Variants in CEP152 observed in about 807,000 individuals in gnomAD.
CEP152 encodes centrosomal protein 152, also known as centrosomal protein of 152 kDa.
Under a neutral mutation model 188.9 loss-of-function variants are expected in CEP152, and 132 were observed. The ratio of observed to expected loss-of-function variants is 0.70; its 90% confidence interval spans 0.61 to 0.81. The LOEUF is 0.81. Ranked by LOEUF, CEP152 falls within the 30% of genes least tolerant of loss-of-function variation. The pLI is 0.00. For synonymous variants in CEP152, 649 were observed against 666.6 expected (o/e 0.97, Z 0.41); for missense variants, 1,914 against 1,969.8 (o/e 0.97, Z 0.54).
chr15:48,771,427 A>T (rs1287017286), intron 13 of CEP152, among the ~76,000 whole-genome samples: 1 of 152,232 alleles, frequency 6.6e-6, no homozygotes, highest in East Asian at 1.9e-4. Flanking sequence ...TAATGTCCTC[A>T]TATAGAATGA....
intron 13 of CEP152, among the ~76,000 whole-genome samples, chr15:48,770,732 C>T (rs944820028): frequency 8.5e-5 from 13 of 152,082 alleles, no homozygotes; most frequent in Admixed American, 5.9e-4. Context: ...GTGCAGGGGG[C>T]AGGGCGGGGA....
At chr15:48,730,197 AG>A (rs998574613) in intron 2 of CEP152, among the ~76,000 whole-genome samples, 112 of 152,294 alleles carry the variant, frequency 7.4e-4, no homozygotes. Context: ...CTAACAGTGT[AG>A]GAATGACAGT....
At position 48,805,670 on chromosome 15, in the gene CEP152, A is replaced by G. The variant is rs1284411015; in HGVS notation, c.-7-14T>C. On this transcript the variant is annotated splice_polypyrimidine_tract_variant and intron_variant, in intron 1 of 26. Transcript: ENST00000380950. ...GACATGGTCCTCCTGTGGGAAGGGAAAGATGTTTGGTTTCTGGACACCACA... is the reference window on the plus strand; with the variant it reads ...GACATGGTCCTCCTGTGGGAAGGGAGAGATGTTTGGTTTCTGGACACCACA... 1.2e-6 allele frequency: 2 copies of G among 1,613,346 alleles called. No homozygotes were observed. The highest frequency in any genetic ancestry group is 1.3e-5 in the African/African-American group (1 of 74,904).
At chr15:48,788,480 C>T (rs543673804) in intron 9 of CEP152, among the ~76,000 whole-genome samples, 21 of 151,660 alleles carry the variant, frequency 1.4e-4, no homozygotes, top group East Asian at 1.4e-3. Context: ...ATTACAGGCA[C>T]GCACCACTGC....
At chr15:48,744,481 A>G (rs1893261087) in intron 23 of CEP152, 138 bp from the exon 24 acceptor site, 2 of 1,421,440 alleles carry the variant, frequency 1.4e-6, no homozygotes, top group Non-Finnish European at 1.9e-6. Context: ...TCTCCACTAT[A>G]CAGTTATTTA....
chr15:48,797,895 A>AAAAAG, intron 3 of CEP152, 53 bp downstream of exon 3: 1 of 1,527,438 alleles, frequency 6.5e-7, no homozygotes, highest in Non-Finnish European at 9.0e-7. Flanking sequence ...TCATCAAAAG[A>AAAAAG]AAAAGACTTA....
Position 48,752,429 on chromosome 15 carries a change from C to T in CEP152, c.3386G>A (p.Gly1129Asp). 6.2e-7 allele frequency: 1 copy of T among 1,613,826 alleles called. No homozygotes were observed. Among genetic ancestry groups the T allele is most frequent in the South Asian group, 1.1e-5 (1 of 91,062 alleles). ...AELSKDSASQ[G>D]TGQGDPGPAA... is the part of the protein sequence containing the mutation. ...AGGTCCAGGGTCTCCTTGGCCAGTG[C>T]CCTGGCTGGCAGAATCCTTAGAGAG... Residue 1129 changes from glycine (G) to aspartate (D), a missense_variant, in exon 21 of 27, where the codon GGC becomes GAC. By Grantham distance (94) the Gly-to-Asp change is moderately conservative. Transcript: ENST00000380950.
At chr15:48,741,903 G>T in intron 25 of CEP152, 44 bp downstream of exon 25, 3 of 1,613,700 alleles carry the variant, frequency 1.9e-6, no homozygotes, top group Non-Finnish European at 2.5e-6. Flanking sequence ...ATGATAACAT[G>T]TTGTCCTGGT....
At chr15:48,782,796 A>AATGACC (rs1394343658) in intron 10 of CEP152, among the ~76,000 whole-genome samples, 1 of 152,210 alleles carries the variant, frequency 6.6e-6, no homozygotes, top group African/African-American at 2.4e-5. Flanking sequence ...TTCAAAAGAA[A>AATGACC]ATGACCATCT....
In CEP152 at chr15:48,796,018, G is replaced by T. The variant is rs749346307; in HGVS notation, c.683C>A (p.Ala228Asp). Reference protein sequence around the residue: ...FEGLQQQFLGANENSAENMQI... With the variant: ...FEGLQQQFLGDNENSAENMQI... ...ATAAACTTGATACCTACTCTCATTA[G>T]CTCCTAAAAATTGTTGTTGCAGGCC... The change falls in exon 6 of 27, where the codon GCT (alanine) becomes GAT (aspartate). Residue 228 changes from alanine (A) to aspartate (D), a missense_variant. Transcript: ENST00000380950. The T allele has an allele frequency of 6.2e-7, 1 of 1,613,588 alleles. No homozygotes were observed. The highest frequency in any genetic ancestry group is 1.1e-5 in the South Asian group (1 of 91,066).
chr15:48,758,644 A>G lies in CEP152; in HGVS notation c.2694+1491T>C, dbSNP rs759774054. Reference sequence around the variant, plus strand: ...AGAGGCAGGAGAATCGCTTGAACCCAGGAGGTAGAGGTTGCAGTGAGCTGA... The same window carrying G: ...AGAGGCAGGAGAATCGCTTGAACCCGGGAGGTAGAGGTTGCAGTGAGCTGA... On this transcript the variant is annotated intron_variant, in intron 19 of 26. Coordinates refer to ENST00000380950, the MANE Select transcript of CEP152 (RefSeq NM_001194998.2). Among the ~76,000 whole-genome samples, 3 of 141,932 alleles carry G rather than the reference A, an allele frequency of 2.1e-5. No individual in the cohort carries two copies. The East Asian group carries it at 6.4e-4, about 30-fold the overall frequency. The allele number at this position is 141,932 out of a possible 152,430, so 93.1% of individuals were successfully genotyped here.
intron 8 of CEP152, 70 bp downstream of exon 8, chr15:48,791,167 A>G (rs895627589): frequency 3.7e-6 from 5 of 1,364,740 alleles, no homozygotes; most frequent in Admixed American, 1.9e-5. Context: ...ATTTAGTCCT[A>G]CCCTACAAAA....
chr15:48,747,453 A>G (rs981844633), intron 22 of CEP152, among the ~76,000 whole-genome samples: 1 of 152,166 alleles, frequency 6.6e-6, no homozygotes. Context: ...CAAGTGACCA[A>G]ACAATTACAA....
chr15:48,744,105 C>G, intron 24 of CEP152, 135 bp downstream of exon 24: 1 of 1,387,666 alleles, frequency 7.2e-7, no homozygotes, highest in Non-Finnish European at 9.8e-7. Context: ...TATCAATAAT[C>G]TCTTTTAAGA....
downstream of CEP152, among the ~76,000 whole-genome samples, chr15:48,735,218 G>A (rs1174469212): frequency 1.3e-5 from 2 of 152,158 alleles, no homozygotes; most frequent in African/African-American, 4.8e-5. Flanking sequence ...TTGAAAATCT[G>A]CAATTCTTAG....
At chr15:48,778,544 T>TAA (rs1896059457) in intron 12 of CEP152, among the ~76,000 whole-genome samples, 1 of 152,242 alleles carries the variant, frequency 6.6e-6, no homozygotes, top group African/African-American at 2.4e-5. Flanking sequence ...CCTCAGTGAC[T>TAA]AATCACACTG....
At chr15:48,730,508 C>T (rs1892386908) in intron 2 of CEP152, among the ~76,000 whole-genome samples, 1 of 152,162 alleles carries the variant, frequency 6.6e-6, no homozygotes, top group South Asian at 2.1e-4. Flanking sequence ...AGCCCATGCT[C>T]ACCACATATC....
At chr15:48,798,261 C>CTT (rs71120641) in intron 2 of CEP152, among the ~76,000 whole-genome samples, 3 of 145,558 alleles carry the variant, frequency 2.1e-5, no homozygotes, top group African/African-American at 7.6e-5. Flanking sequence ...TATCAGAAGG[C>CTT]TTTTTTTTTT....
chr15:48,750,901 C>T (rs574815317), intron 21 of CEP152, among the ~76,000 whole-genome samples: 98 of 152,234 alleles, frequency 6.4e-4, no homozygotes, highest in Non-Finnish European at 1.2e-3. Flanking sequence ...AGGCATAGAA[C>T]TGTGGTCAAC....
Sources: allele counts gnomAD v4.1 joint callset (sites outside exome capture counted in the v4.1 genomes callset), GRCh38; gene constraint gnomAD v4.1.1; transcripts MANE v1.5; gene names NCBI Gene and HGNC (gene_info 2026-07-23, HGNC 2026-07-21).